Variants in TTC39A observed in about 807,000 individuals in gnomAD.
TTC39A encodes the protein tetratricopeptide repeat protein 39A.
Under a neutral mutation model 82.3 loss-of-function variants are expected in TTC39A, and 46 were observed. The ratio of observed to expected loss-of-function variants is 0.56; its 90% confidence interval spans 0.44 to 0.71. The LOEUF (loss-of-function observed/expected upper bound fraction) is 0.71, where lower values mean the gene tolerates loss of function less well. Among genes scored for constraint, TTC39A ranks in the 30% least tolerant of loss-of-function variants. The pLI, the probability that TTC39A is intolerant of heterozygous loss-of-function variation, is 0.00. For missense variants in TTC39A, 543 were observed against 712.9 expected, an observed-to-expected ratio of 0.76 and a Z score of 2.71; for synonymous variants, 254 against 275.2, an observed-to-expected ratio of 0.92 and a Z score of 0.76.
chr1:51,306,141 C>T (rs1296804969), intron 6 of TTC39A, 65 bp from the exon 7 acceptor site: 3 of 1,384,194 alleles, frequency 2.2e-6, no homozygotes, highest in Admixed American at 1.7e-5. Context: ...GCTGGGACCC[C>T]TTCCAGCTGG....
rs58825279 is a variant in TTC39A, at chr1:51,291,628, CAAAAAAAA to C, written c.1267-1011_1267-1004del. Among the ~76,000 whole-genome samples the C allele has an allele frequency of 2.4e-3, 118 of 49,956 alleles. 2 individuals are homozygous for C. The highest frequency in any genetic ancestry group is 3.7e-3 in the Non-Finnish European group (98 of 26,580). The allele number at this position is 49,956 out of a possible 152,430, so 32.8% of individuals were successfully genotyped here. A position where few individuals can be genotyped will look rare whatever the true frequency, so the allele number is the denominator to read the frequency against. Reference sequence around the variant, plus strand: ...CAACATGGCGAAACCCCATCTCCACCAAAAAAAAAAAAAAAAAAAAAAAAAAAATTAGC... The same window carrying C: ...CAACATGGCGAAACCCCATCTCCACCAAAAAAAAAAAAAAAAAAAATTAGC... On this transcript the variant is annotated intron_variant, in intron 14 of 17. Transcript: ENST00000680483.
At chr1:51,320,338 A>G (rs1645450630) in intron 2 of TTC39A, among the ~76,000 whole-genome samples, 1 of 152,082 alleles carries the variant, frequency 6.6e-6, no homozygotes. Context: ...TCTTTGCAAT[A>G]AGCATTAATC....
chr1:51,326,914 G>A (rs1645731853), intron 1 of TTC39A, among the ~76,000 whole-genome samples: 1 of 152,232 alleles, frequency 6.6e-6, no homozygotes, highest in African/African-American at 2.4e-5. Flanking sequence ...AGAGGTGCTG[G>A]GCTGGATGGA....
intron 6 of TTC39A, among the ~76,000 whole-genome samples, chr1:51,308,295 A>G (rs1461483004): frequency 2.7e-5 from 4 of 149,944 alleles, no homozygotes; most frequent in African/African-American, 9.8e-5. Flanking sequence ...GCTGGAGTGC[A>G]GTGGCACGAT....
rs1420941267 is a variant in TTC39A at position 51,292,898 on chromosome 1, T to G, written c.1266+1493A>C. On this transcript the variant is annotated intron_variant, in intron 14 of 17. Coordinates refer to ENST00000680483, the MANE Select transcript of TTC39A (RefSeq NM_001297663.2). Reference sequence around the variant, plus strand: ...AAGCCTATAGTATATAAACTGTGTTTAGGCCAGTCTTTCCCAAATGTATTT... The same window carrying G: ...AAGCCTATAGTATATAAACTGTGTTGAGGCCAGTCTTTCCCAAATGTATTT... 2.0e-5 allele frequency among the ~76,000 whole-genome samples: 3 copies of G among 152,250 alleles called. No individual in the cohort carries two copies. The East Asian group carries it at 5.8e-4, about 29-fold the overall frequency.
Position 51,301,734 on chromosome 1 carries a change from C to T in TTC39A, c.892-1G>A. 7 of 1,601,678 alleles carry T rather than the reference C, an allele frequency of 4.4e-6. No homozygotes were observed. Among genetic ancestry groups the T allele is most frequent in the Non-Finnish European group, 6.0e-6 (7 of 1,171,664 alleles). ...AGCACTCCTCGAAACGCCGGATGGC[C>T]TGCAGGCACCTTCTGGTCAGCCTGA... On this transcript the variant is annotated splice_acceptor_variant, in intron 11 of 17. Transcript: ENST00000680483. LOFTEE classifies it high-confidence loss of function.
chr1:51,330,388 C>T lies in TTC39A; in HGVS notation c.41+49G>A, dbSNP rs1239836970. On this transcript the variant is annotated intron_variant, in intron 1 of 17. Transcript: ENST00000680483. This position sits in a 1 kb window ranked among gnomAD's most constrained non-coding sequence, Gnocchi z 4.5. ...GCGCGGCGCCCGCCACCTGCCCGGG[C>T]CCCAGCCCGCGCCGCCCGCGCCCCC... is the stretch of plus-strand genomic sequence containing the variant. 34 of 968,458 alleles carry T rather than the reference C, an allele frequency of 3.5e-5. No homozygotes were observed. The highest frequency in any genetic ancestry group is 3.7e-5 in the Non-Finnish European group (30 of 818,516). The allele number at this position is 968,458 out of a possible 1,614,324, so 60.0% of individuals were successfully genotyped here.
chr1:51,304,691 T>C (rs1427738972), intron 8 of TTC39A, among the ~76,000 whole-genome samples: 1 of 152,200 alleles, frequency 6.6e-6, no homozygotes, highest in East Asian at 1.9e-4. Context: ...ATCTGCTGGA[T>C]GAAGTGGTAG....
intron 6 of TTC39A, among the ~76,000 whole-genome samples, chr1:51,309,006 A>C (rs980719487): frequency 6.6e-6 from 1 of 152,010 alleles, no homozygotes; most frequent in Non-Finnish European, 1.5e-5. Flanking sequence ...TCTGTGTCTT[A>C]TTTTCCCCAG....
intron 1 of TTC39A, among the ~76,000 whole-genome samples, chr1:51,339,712 C>A (rs1345191336): frequency 1.3e-5 from 2 of 152,182 alleles, no homozygotes; most frequent in East Asian, 3.9e-4. Context: ...TCACTTGAGG[C>A]CAGGAGTTCA....
In TTC39A at chr1:51,288,795, G is replaced by A; in HGVS notation, c.1610+44C>T. 6.5e-7 allele frequency: 1 copy of A among 1,543,388 alleles called. No homozygotes were observed. Among genetic ancestry groups the A allele is most frequent in the Admixed American group, 1.9e-5 (1 of 51,632 alleles). ...TGTCCCCAGCCAGCTCCTGAGCTGA[G>A]TTCAGAGGGAGCAAAGGACAGACTG... On this transcript the variant is annotated intron_variant, in intron 17 of 17. Transcript: ENST00000680483. This position sits in a 1 kb window ranked among gnomAD's most constrained non-coding sequence, Gnocchi z 4.8.
At chr1:51,297,482 G>T (rs530532588) in intron 12 of TTC39A, 1 of 152,266 alleles carries the variant, frequency 6.6e-6, no homozygotes, top group East Asian at 1.9e-4. Flanking sequence ...GCCTCCCAAA[G>T]TGCTAGGATT....
At chr1:51,312,038 G>T in intron 4 of TTC39A, 81 bp downstream of exon 4, 1 of 1,451,084 alleles carries the variant, frequency 6.9e-7, no homozygotes, top group Non-Finnish European at 9.4e-7. Flanking sequence ...GGCGATGACA[G>T]GGAAGAAAAC....
intron 1 of TTC39A, among the ~76,000 whole-genome samples, chr1:51,344,209 A>C (rs1646069849): frequency 6.6e-6 from 1 of 152,202 alleles, no homozygotes; most frequent in African/African-American, 2.4e-5. Context: ...TGAGGTGTTC[A>C]TAGGACAGTC....
chr1:51,309,642 T>G (rs1645011401), intron 5 of TTC39A, among the ~76,000 whole-genome samples: 1 of 151,954 alleles, frequency 6.6e-6, no homozygotes. Flanking sequence ...GTTTTTGGAT[T>G]ATTTGTGGTT....
At position 51,344,985 on chromosome 1, in the gene TTC39A, C is replaced by G. The variant is rs759741492; in HGVS notation, c.53+6G>C. Reference sequence around the variant, plus strand: ...CTTCCGCCGAGTCCCCACCCCTGCCCGGTACCTGCGGTCGCTTTTCCCGGA... The same window carrying G: ...CTTCCGCCGAGTCCCCACCCCTGCCGGGTACCTGCGGTCGCTTTTCCCGGA... On this transcript the variant is annotated splice_donor_region_variant and intron_variant, in intron 1 of 5. Transcript: ENST00000401051. The G allele has an allele frequency of 3.3e-6, 5 of 1,524,992 alleles. No homozygotes were observed. In the East Asian group the frequency reaches 1.4e-4, roughly 41 times the overall value. The allele number at this position is 1,524,992 out of a possible 1,614,324, so 94.5% of individuals were successfully genotyped here. A position where few individuals can be genotyped will look rare whatever the true frequency, so the allele number is the denominator to read the frequency against.
At chr1:51,344,165 C>T (rs1323001776) in intron 1 of TTC39A, among the ~76,000 whole-genome samples, 1 of 152,100 alleles carries the variant, frequency 6.6e-6, no homozygotes, top group Non-Finnish European at 1.5e-5. Context: ...CACGGGGACA[C>T]CGGAGGAGGA....
At chr1:51,335,750 G>C (rs1382478953), upstream of TTC39A, among the ~76,000 whole-genome samples, 2 of 152,046 alleles carry the variant, frequency 1.3e-5, no homozygotes, top group Admixed American at 6.6e-5. Flanking sequence ...GGGAAGAAGA[G>C]AAGAAAGGAG....
intron 8 of TTC39A, 139 bp downstream of exon 8, chr1:51,304,942 C>T: frequency 1.2e-6 from 1 of 822,444 alleles, no homozygotes; most frequent in Non-Finnish European, 1.9e-6. Flanking sequence ...GAGGTCTGGG[C>T]ATTGTCCAGG....
Sources: allele counts gnomAD v4.1 joint callset (sites outside exome capture counted in the v4.1 genomes callset), GRCh38; gene constraint gnomAD v4.1.1; non-coding constraint Gnocchi (gnomAD v3.1); transcripts MANE v1.5; gene names NCBI Gene and HGNC (gene_info 2026-07-23, HGNC 2026-07-21).